The following ZNF37A variants were observed in gnomAD, a reference collection of about 807,000 sequenced individuals.
ZNF37A encodes zinc finger protein 37A.
ZNF37A carries 10 observed loss-of-function variants against 12.3 expected under a neutral mutation model. The observed-to-expected ratio is 0.82, with a 90% CI of 0.50 to 1.38. The LOEUF (loss-of-function observed/expected upper bound fraction) is 1.38. Among genes scored for constraint, ZNF37A ranks in the 40% most tolerant of loss-of-function variants. The probability of loss-of-function intolerance (pLI) is 0.00; values close to 1 mark genes in which losing one functional copy is unlikely to be tolerated. For missense variants in ZNF37A, 580 were observed against 651.2 expected (o/e 0.89, Z 1.19); for synonymous variants, 207 against 223.0 (o/e 0.93, Z 0.64).
intron 5 of ZNF37A, among the ~76,000 whole-genome samples, chr10:38,098,198 T>A (rs554960888): frequency 6.6e-6 from 1 of 152,338 alleles, no homozygotes; most frequent in African/African-American, 2.4e-5. Context: ...TATACCAACT[T>A]TTGTTTATCC....
In ZNF37A at chr10:38,119,121, G is replaced by A; in HGVS notation, c.*284G>A. On this transcript the variant is annotated 3_prime_UTR_variant, in exon 8 of 8. Coordinates refer to ENST00000685332, the MANE Select transcript of ZNF37A (RefSeq NM_001324250.3). Reference sequence around the variant, plus strand: ...TTAAACATCAGAGAATTCACACGGGGTGAAACCTGGGTCAGCATCCCTAGG... The same window carrying A: ...TTAAACATCAGAGAATTCACACGGGATGAAACCTGGGTCAGCATCCCTAGG... The A allele has an allele frequency of 9.2e-7, 1 of 1,083,636 alleles. No homozygotes were observed. The highest frequency in any genetic ancestry group is 1.1e-6 in the Non-Finnish European group (1 of 889,936). 67.1% of individuals were successfully genotyped at this position (1,083,636 alleles called of 1,614,324 possible).
chr10:38,113,910 G>A (rs973803467), intron 5 of ZNF37A, among the ~76,000 whole-genome samples: 2 of 152,164 alleles, frequency 1.3e-5, no homozygotes, highest in African/African-American at 4.8e-5. Flanking sequence ...CAAGATAATT[G>A]TGTTTATGTC....
intron 5 of ZNF37A, among the ~76,000 whole-genome samples, chr10:38,105,282 G>T (rs2067969400): frequency 6.6e-6 from 1 of 152,136 alleles, no homozygotes; most frequent in Non-Finnish European, 1.5e-5. Context: ...TGGGATTACA[G>T]ATGTGAGCCA....
intron 7 of ZNF37A, among the ~76,000 whole-genome samples, chr10:38,131,349 A>C (rs140157335): frequency 1.3e-5 from 2 of 152,196 alleles, no homozygotes; most frequent in East Asian, 3.9e-4. Flanking sequence ...TAGATCATAA[A>C]TCTATTTTGT....
In ZNF37A at chr10:38,124,001, G is replaced by C. The variant is rs1006371190; in HGVS notation, c.*5164G>C. 1 of 152,116 alleles carries C rather than the reference G, an allele frequency of 6.6e-6. No individual in the cohort carries two copies. The highest frequency in any genetic ancestry group is 2.4e-5 in the African/African-American group (1 of 41,422). 9.4% of individuals were successfully genotyped at this position (152,116 alleles called of 1,614,324 possible). On this transcript the variant is annotated 3_prime_UTR_variant, in exon 8 of 8. Coordinates refer to ENST00000685332, the MANE Select transcript of ZNF37A (RefSeq NM_001324250.3). ...TGGTAGTTATATACCCCAAAGACAG[G>C]AAATCAGTATATTGAAGATATATCT...
downstream of ZNF37A, among the ~76,000 whole-genome samples, chr10:38,128,611 A>G (rs1276432083): frequency 1.3e-5 from 2 of 152,160 alleles, no homozygotes; most frequent in African/African-American, 2.4e-5. Context: ...ATTTCTTCCA[A>G]TCATGTTTTC....
chr10:38,143,101 A>C (rs1415181571), intron 7 of ZNF37A: 1 of 152,222 alleles, frequency 6.6e-6, no homozygotes, highest in Non-Finnish European at 1.5e-5. Flanking sequence ...TCCCCCTGGC[A>C]GCCCACAGTG....
intron 5 of ZNF37A, among the ~76,000 whole-genome samples, chr10:38,097,032 T>C (rs1482873603): frequency 6.6e-6 from 1 of 152,096 alleles, no homozygotes; most frequent in Non-Finnish European, 1.5e-5. Context: ...TTACAGAAAA[T>C]GTTTGCTGAT....
At chr10:38,143,721 C>G (rs1252593804) in intron 7 of ZNF37A, 2 of 152,232 alleles carry the variant, frequency 1.3e-5, no homozygotes, top group African/African-American at 2.4e-5. Context: ...TTGACTTAAG[C>G]TCCATGTGAA....
At chr10:38,103,859 A>C (rs2504125) in intron 5 of ZNF37A, among the ~76,000 whole-genome samples, 7,667 of 152,262 alleles carry the variant, frequency 0.05, 254 homozygotes, top group Middle Eastern at 0.071. Flanking sequence ...CCAAAACAAA[A>C]CAAAAAACTC....
rs2069823260 is a variant in ZNF37A at position 38,123,328 on chromosome 10, A to G, written c.*4491A>G. ...AAAATTTAAAAATAAAGTTAATTTC[A>G]ATGTTTAAAGACTTGTTATTAAAAT... On this transcript the variant is annotated 3_prime_UTR_variant, in exon 8 of 8. Transcript: ENST00000685332. The G allele has an allele frequency of 6.6e-6, 1 of 152,206 alleles. No homozygotes were observed. Among genetic ancestry groups the G allele is most frequent in the Admixed American group, 6.5e-5 (1 of 15,282 alleles). 9.4% of individuals were successfully genotyped at this position (152,206 alleles called of 1,614,324 possible).
chr10:38,106,093 C>G, intron 5 of ZNF37A, among the ~76,000 whole-genome samples: 1 of 152,086 alleles, frequency 6.6e-6, no homozygotes, highest in East Asian at 1.9e-4. Context: ...CAGTCTTTCA[C>G]TGTGGAGTAT....
At chr10:38,096,493 C>A (rs1324085511) in intron 4 of ZNF37A, 81 bp from the exon 5 acceptor site, 1 of 889,332 alleles carries the variant, frequency 1.1e-6, no homozygotes, top group Non-Finnish European at 1.8e-6. Context: ...TGAGTATCTC[C>A]CTTTCAGAGA....
chr10:38,130,112 G>A (rs117867771), downstream of ZNF37A, among the ~76,000 whole-genome samples: 108 of 152,250 alleles, frequency 7.1e-4, no homozygotes, highest in Middle Eastern at 3.4e-3. Flanking sequence ...GGTACGGCAT[G>A]TAGGGAGAAT....
intron 7 of ZNF37A, chr10:38,137,199 T>C (rs1294508481): frequency 2.0e-5 from 3 of 152,182 alleles, no homozygotes; most frequent in Non-Finnish European, 4.4e-5. Flanking sequence ...TTTTTATGCC[T>C]TCTTTGTTGT....
chr10:38,101,297 T>G (rs2067548491), intron 5 of ZNF37A, among the ~76,000 whole-genome samples: 2 of 152,216 alleles, frequency 1.3e-5, no homozygotes, highest in South Asian at 4.1e-4. Flanking sequence ...TCATGAGTTT[T>G]GTAACTTTAA....
downstream of ZNF37A, among the ~76,000 whole-genome samples, chr10:38,127,676 T>C (rs1031517420): frequency 1.3e-5 from 2 of 152,136 alleles, no homozygotes; most frequent in Non-Finnish European, 2.9e-5. Flanking sequence ...ACCCCTTTCC[T>C]CAGCTTCTCT....
Position 38,118,602 on chromosome 10 carries a change from T to C in ZNF37A, c.1451T>C (p.Val484Ala). 6.2e-7 allele frequency: 1 copy of C among 1,605,818 alleles called. No homozygotes were observed. Among genetic ancestry groups the C allele is most frequent in the Non-Finnish European group, 8.5e-7 (1 of 1,174,858 alleles). The change falls in exon 8 of 8, where the codon GTT (valine) becomes GCT (alanine). Residue 484 changes from valine to alanine, a missense_variant. Coordinates refer to ENST00000685332, the MANE Select transcript of ZNF37A (RefSeq NM_001324250.3). ...TTCCGTCAGAAGTCAGCCCTAATTG[T>C]TCACCAGAGAACTCATATAAGACAG... is the stretch of plus-strand genomic sequence containing the variant. Reference protein sequence around the residue: ...KTFRQKSALIVHQRTHIRQKP... With the variant: ...KTFRQKSALIAHQRTHIRQKP...
At chr10:38,136,343 A>G (rs1389641838) in intron 7 of ZNF37A, among the ~76,000 whole-genome samples, 1 of 152,112 alleles carries the variant, frequency 6.6e-6, no homozygotes, top group South Asian at 2.1e-4. Context: ...ACAGGGTTTC[A>G]TGGTTTCACC....
Sources: gnomAD v4.1 joint callset for allele counts (sites outside exome capture counted in the v4.1 genomes callset) on GRCh38, gnomAD v4.1.1 for gene constraint, MANE v1.5 for transcripts, NCBI Gene and HGNC (gene_info 2026-07-23, HGNC 2026-07-21) for gene names.